The following PLCH1 variants were observed in gnomAD, a reference collection of about 807,000 sequenced individuals.
The protein encoded by PLCH1 is phospholipase C eta 1.
PLCH1 carries 60 observed loss-of-function variants against 126.7 expected under a neutral mutation model. The ratio of observed to expected loss-of-function variants is 0.47; its 90% CI spans 0.38 to 0.59. PLCH1 has a LOEUF of 0.59. Among genes scored for constraint, PLCH1 ranks in the 20% least tolerant of loss-of-function variants. The probability of loss-of-function intolerance (pLI) is 0.00; values close to 1 mark genes in which losing one functional copy is unlikely to be tolerated. For missense variants in PLCH1, 1,723 were observed against 2,040.0 expected, an observed-to-expected ratio of 0.84 and a Z score of 2.99; for synonymous variants, 719 against 734.9, an observed-to-expected ratio of 0.98 and a Z score of 0.35.
chr3:155,617,532 C>T (rs1735942824), intron 2 of PLCH1, among the ~76,000 whole-genome samples: 1 of 152,156 alleles, frequency 6.6e-6, no homozygotes, highest in Non-Finnish European at 1.5e-5. Context: ...ATGAAGTATA[C>T]TCCTGTGAGC....
At chr3:155,720,223 G>A (rs554901556) in intron 1 of PLCH1, among the ~76,000 whole-genome samples, 69 of 152,082 alleles carry the variant, frequency 4.5e-4, no homozygotes, top group Non-Finnish European at 7.9e-4. Flanking sequence ...CTTTTGCTCT[G>A]GGTTCATACC....
chr3:155,527,172 C>T (rs546751192), intron 10 of PLCH1, among the ~76,000 whole-genome samples: 1 of 152,328 alleles, frequency 6.6e-6, no homozygotes, highest in South Asian at 2.1e-4. Flanking sequence ...CAAAAGCAAA[C>T]TTTGAGCTCC....
In PLCH1 at chr3:155,659,299, CTTCTTTTTTTTTTTTT is replaced by C. The variant is rs1164807058; in HGVS notation, c.79+44831_79+44846del. On this transcript the variant is annotated intron_variant, in intron 2 of 22. Coordinates refer to ENST00000460012, the MANE Select transcript of PLCH1 (RefSeq NM_014996.4). The stretch of plus-strand genomic sequence containing the variant: ...AGGCCAGGCGTGAGATGTCTATTCA[CTTCTTTTTTTTTTTTT>C]TTTTTTTTTTTTTTTTTTTTTTTTT... Among the ~76,000 whole-genome samples, 210 of 55,492 alleles carry C rather than the reference CTTCTTTTTTTTTTTTT, an allele frequency of 3.8e-3. 13 individuals carry two copies. The highest frequency in any genetic ancestry group is 0.012 in the African/African-American group (197 of 16,320). 36.4% of individuals were successfully genotyped at this position (55,492 alleles called of 152,430 possible).
chr3:155,701,966 C>T (rs962477325), intron 2 of PLCH1, among the ~76,000 whole-genome samples: 1 of 152,102 alleles, frequency 6.6e-6, no homozygotes, highest in Non-Finnish European at 1.5e-5. Context: ...TGAATAGAAT[C>T]ATTGTTCTAA....
At chr3:155,543,642 G>A (rs1475030955) in intron 10 of PLCH1, among the ~76,000 whole-genome samples, 1 of 152,114 alleles carries the variant, frequency 6.6e-6, no homozygotes, top group Non-Finnish European at 1.5e-5. Context: ...CAGAGAGAAA[G>A]GTCGGGTTAC....
intron 1 of PLCH1, among the ~76,000 whole-genome samples, chr3:155,706,172 CAA>C (rs34725442): frequency 0.085 from 5,214 of 61,264 alleles, 125 homozygotes; most frequent in Middle Eastern, 0.11. Context: ...GACTCTATCT[CAA>C]AAAAAAAAAA....
intron 21 of PLCH1, among the ~76,000 whole-genome samples, chr3:155,456,334 C>G (rs1712439669): frequency 9.8e-6 from 1 of 102,000 alleles, no homozygotes; most frequent in African/African-American, 4.3e-5. Flanking sequence ...AGCTAATGAG[C>G]TAAAAAAAAA....
intron 10 of PLCH1, among the ~76,000 whole-genome samples, chr3:155,549,098 C>T (rs1725768682): frequency 6.6e-6 from 1 of 152,274 alleles, no homozygotes; most frequent in African/African-American, 2.4e-5. Context: ...TACAAACACA[C>T]AAAATTCACT....
At chr3:155,600,807 CAG>C (rs1431060523) in intron 2 of PLCH1, among the ~76,000 whole-genome samples, 3 of 152,140 alleles carry the variant, frequency 2.0e-5, no homozygotes, top group South Asian at 4.1e-4. Context: ...CATGTTTCTA[CAG>C]AGTCTTAATA....
chr3:155,673,239 C>T (rs1279258963), intron 2 of PLCH1, among the ~76,000 whole-genome samples: 1 of 151,914 alleles, frequency 6.6e-6, no homozygotes, highest in Non-Finnish European at 1.5e-5. Context: ...TTGCTGACTT[C>T]TCCATACTCA....
At chr3:155,626,710 A>G (rs1472428969) in intron 2 of PLCH1, among the ~76,000 whole-genome samples, 1 of 136,118 alleles carries the variant, frequency 7.3e-6, no homozygotes, top group Non-Finnish European at 1.5e-5. Flanking sequence ...CAGAGCTTGC[A>G]GTGAGCCGAG....
intron 1 of PLCH1, among the ~76,000 whole-genome samples, chr3:155,705,477 A>T (rs1430563286): frequency 6.6e-6 from 1 of 152,152 alleles, no homozygotes; most frequent in Non-Finnish European, 1.5e-5. Context: ...TACTGTATGG[A>T]ACTGACTACA....
At chr3:155,513,063 A>T (rs1719807424) in intron 12 of PLCH1, among the ~76,000 whole-genome samples, 1 of 152,192 alleles carries the variant, frequency 6.6e-6, no homozygotes, top group South Asian at 2.1e-4. Flanking sequence ...GGACAAGTAG[A>T]AACCAGTCCT....
chr3:155,601,037 T>G (rs553778618), intron 2 of PLCH1, among the ~76,000 whole-genome samples: 4 of 152,146 alleles, frequency 2.6e-5, no homozygotes, highest in East Asian at 1.9e-4. Flanking sequence ...TGCAGTGGCG[T>G]GATCTCGGCT....
chr3:155,500,703 C>G lies in PLCH1; in HGVS notation c.1796G>C (p.Arg599Thr). 1 of 1,595,426 alleles carries G rather than the reference C, an allele frequency of 6.3e-7. No homozygotes were observed. Among genetic ancestry groups the G allele is most frequent in the Non-Finnish European group, 8.6e-7 (1 of 1,163,046 alleles). ...STGKEGGQLY[R>T]LGRRRKTMKL... ...AGGAAACATGGAGATGCTTTCTTAC[C>G]TGTACAGCTGGCCACCCTCCTTGCC... Residue 599 changes from arginine (R) to threonine (T), a missense_variant and splice_region_variant, in exon 14 of 23, where the codon AGA becomes ACA. This residue lies in a region of PLCH1 where 776 missense variants were observed against 1,062.9 expected (regional missense o/e 0.73). Coordinates refer to ENST00000460012, the MANE Select transcript of PLCH1 (RefSeq NM_014996.4).
At chr3:155,616,450 G>A (rs1735813467) in intron 2 of PLCH1, among the ~76,000 whole-genome samples, 1 of 152,168 alleles carries the variant, frequency 6.6e-6, no homozygotes, top group Non-Finnish European at 1.5e-5. Flanking sequence ...CAGAACCTGA[G>A]CCCATGTGTC....
chr3:155,536,834 A>T, intron 10 of PLCH1, among the ~76,000 whole-genome samples: 1 of 152,130 alleles, frequency 6.6e-6, no homozygotes, highest in East Asian at 1.9e-4. Flanking sequence ...ACACCTAGAA[A>T]ATTCATCACA....
intron 15 of PLCH1, among the ~76,000 whole-genome samples, chr3:155,495,630 C>T (rs760392992): frequency 6.6e-6 from 1 of 152,176 alleles, no homozygotes; most frequent in Non-Finnish European, 1.5e-5. Flanking sequence ...TGAGTCATAT[C>T]TAGACTCTGC....
rs61321233 is a variant in PLCH1, at chr3:155,584,827, T to C, written c.601-1185A>G. On this transcript the variant is annotated intron_variant, in intron 5 of 22. Transcript: ENST00000460012. Reference sequence around the variant, plus strand: ...TAATTACCCAAGAAATCATGATTTGTATAGGTACAGACTTTGTCCCCCCCC... The same window carrying C: ...TAATTACCCAAGAAATCATGATTTGCATAGGTACAGACTTTGTCCCCCCCC... 5.3e-3 allele frequency among the ~76,000 whole-genome samples: 802 copies of C among 152,292 alleles called. 10 individuals are homozygous for C. Among genetic ancestry groups the C allele is most frequent in the African/African-American group, 0.018 (759 of 41,562 alleles).
Sources: allele counts gnomAD v4.1 joint callset (sites outside exome capture counted in the v4.1 genomes callset), GRCh38; gene constraint gnomAD v4.1.1; regional missense constraint gnomAD v4.1.1; transcripts MANE v1.5; gene names NCBI Gene and HGNC (gene_info 2026-07-23, HGNC 2026-07-21).